The following TTF1 variants were observed in gnomAD, a reference collection of about 807,000 sequenced individuals.
TTF1 encodes the protein transcription termination factor 1, also known as transcription termination factor, RNA polymerase I.
A neutral mutation model predicts 80.2 loss-of-function variants in TTF1; 64 were observed. That is an observed-to-expected ratio of 0.80 (90% CI 0.65 to 0.98). The LOEUF is 0.98. TTF1 is among the 50% of genes least tolerant of loss of function. The probability of loss-of-function intolerance (pLI) is 0.00; values close to 1 mark genes in which losing one functional copy is unlikely to be tolerated. For synonymous variants in TTF1, 372 were observed against 382.7 expected, an observed-to-expected ratio of 0.97 and a Z score of 0.33; for missense variants, 1,023 against 1,086.2, an observed-to-expected ratio of 0.94 and a Z score of 0.82.
At chr9:132,390,472 C>T (rs919083101) in intron 7 of TTF1, 125 bp downstream of exon 7, 14 of 827,232 alleles carry the variant, frequency 1.7e-5, no homozygotes, top group Non-Finnish European at 2.7e-5. Context: ...GCAGCTGGGG[C>T]AGCAGACTAG....
At chr9:132,403,954 C>G (rs537002933) in intron 1 of TTF1, among the ~76,000 whole-genome samples, 13 of 152,336 alleles carry the variant, frequency 8.5e-5, no homozygotes, top group African/African-American at 2.6e-4. Flanking sequence ...TACTCACATA[C>G]AGGGTGTGTG....
In TTF1 at chr9:132,375,704, A is replaced by G; in HGVS notation, c.*211T>C. On this transcript the variant is annotated 3_prime_UTR_variant, in exon 11 of 11. Coordinates refer to ENST00000334270, the MANE Select transcript of TTF1 (RefSeq NM_007344.4). ...TATAAATATAATCAAACTGAGAAAA[A>G]GGGACAAGAAATAGTAATCTCTCTC... 10 of 465,922 alleles carry G rather than the reference A, an allele frequency of 2.1e-5. No individual in the cohort carries two copies. Among genetic ancestry groups the G allele is most frequent in the South Asian group, 8.1e-5 (3 of 37,056 alleles). The allele number at this position is 465,922 out of a possible 1,614,324, so 28.9% of individuals were successfully genotyped here.
chr9:132,403,776 G>T (rs1489393060), intron 1 of TTF1, among the ~76,000 whole-genome samples: 1 of 152,212 alleles, frequency 6.6e-6, no homozygotes, highest in Non-Finnish European at 1.5e-5. Flanking sequence ...CTCCATTCGA[G>T]TGCAGGATCC....
At position 132,402,663 on chromosome 9, in the gene TTF1, T is replaced by C; in HGVS notation, c.159A>G (p.Lys53=). The C allele has an allele frequency of 6.2e-7, 1 of 1,613,534 alleles. No individual in the cohort carries two copies. The highest frequency in any genetic ancestry group is 1.1e-5 in the South Asian group (1 of 90,876). Reference sequence around the variant, plus strand: ...GATGCTGGAAATCTTTTTTCCTCTTTTTCCTCCTAGTTATTTGAGACTGTT... The same window carrying C: ...GATGCTGGAAATCTTTTTTCCTCTTCTTCCTCCTAGTTATTTGAGACTGTT... The part of the protein sequence containing the change: ...VNEQSQITRR[K]KRKKDFQHLI... Residue 53 remains lysine, a synonymous_variant, in exon 2 of 11, where the codon AAA becomes AAG. Transcript: ENST00000334270.
intron 7 of TTF1, among the ~76,000 whole-genome samples, chr9:132,388,959 G>A (rs554924664): frequency 5.2e-4 from 79 of 152,284 alleles, no homozygotes; most frequent in African/African-American, 1.8e-3. Context: ...AGCCATCCAC[G>A]TTTACAGGGT....
chr9:132,396,573 G>T, intron 4 of TTF1, 62 bp from the exon 5 acceptor site: 1 of 1,367,250 alleles, frequency 7.3e-7, no homozygotes, highest in South Asian at 1.2e-5. Flanking sequence ...ATTGTAAAAG[G>T]AACCCAGAAC....
Position 132,400,075 on chromosome 9 carries a change from G to A in TTF1, c.1551C>T (p.Tyr517=), listed in dbSNP as rs778850521. Residue 517 remains tyrosine, a synonymous_variant, in exon 3 of 11, where the codon TAC becomes TAT. Coordinates refer to ENST00000334270, the MANE Select transcript of TTF1 (RefSeq NM_007344.4). The part of the protein sequence containing the change: ...DRATSTIKRM[Y]RDDLERFKEF... Reference sequence around the variant, plus strand: ...CCTTAAACCGTTCCAAGTCGTCCCGGTACATCCGCTTGATTGTGCTGGTGG... The same window carrying A: ...CCTTAAACCGTTCCAAGTCGTCCCGATACATCCGCTTGATTGTGCTGGTGG... 20 of 1,614,062 alleles carry A rather than the reference G, an allele frequency of 1.2e-5. No individual in the cohort carries two copies. The highest frequency in any genetic ancestry group is 2.5e-6 in the Non-Finnish European group (3 of 1,180,048).
At chr9:132,406,603 TAAAAAA>T (rs35899253) in intron 1 of TTF1, among the ~76,000 whole-genome samples, 181 bp downstream of exon 1, 13 of 125,428 alleles carry the variant, frequency 1.0e-4, no homozygotes, top group African/African-American at 3.9e-4. Context: ...ACTCCATCTT[TAAAAAA>T]AAAAAAAAAA....
rs143299954 is a variant in TTF1 at position 132,401,749 on chromosome 9, G to C, written c.1073C>G (p.Pro358Arg). The change falls in exon 2 of 11, where the codon CCT becomes CGT. Residue 358 changes from proline to arginine, a missense_variant. Transcript: ENST00000334270. ...CTCACTGCCCACCTGTGATCCTTCA[G>C]GGTATGCACTCTCGAGGCTCTCAGG... ...AMPESLESAY[P>R]EGSQVGSEVG... 2 of 1,614,124 alleles carry C rather than the reference G, an allele frequency of 1.2e-6. No homozygotes were observed. The highest frequency in any genetic ancestry group is 1.7e-5 in the Admixed American group (1 of 60,012).
At chr9:132,394,808 G>A (rs1849616950) in intron 5 of TTF1, among the ~76,000 whole-genome samples, 1 of 151,768 alleles carries the variant, frequency 6.6e-6, no homozygotes, top group East Asian at 1.9e-4. Context: ...CAGGAGAATC[G>A]CTTGAACCCA....
intron 1 of TTF1, among the ~76,000 whole-genome samples, chr9:132,403,852 G>C (rs1160070213): frequency 3.3e-5 from 5 of 152,166 alleles, no homozygotes; most frequent in Non-Finnish European, 2.9e-5. Context: ...TGGCCTCTTT[G>C]TGAAAGAAGT....
Position 132,402,155 on chromosome 9 carries a change from T to C in TTF1, c.667A>G (p.Lys223Glu), listed in dbSNP as rs373077943. ...TATTCCCGGTTACTGGACTTTTTCTTTTTTTTCTTAGACTTGTTTTTATGA... is the reference window on the plus strand; with the variant it reads ...TATTCCCGGTTACTGGACTTTTTCTCTTTTTTCTTAGACTTGTTTTTATGA... ...SAHKNKSKKK[K>E]KKSSNREYET... The change falls in exon 2 of 11, where the codon AAG becomes GAG. Residue 223 changes from lysine to glutamate, a missense_variant. Lys to Glu is a moderately conservative substitution (Grantham distance 56). Coordinates refer to ENST00000334270, the MANE Select transcript of TTF1 (RefSeq NM_007344.4). 1.9e-5 allele frequency: 30 copies of C among 1,614,056 alleles called. No individual in the cohort carries two copies. The East Asian group carries it at 6.2e-4, about 34-fold the overall frequency.
chr9:132,398,819 G>A (rs946133996), intron 3 of TTF1, among the ~76,000 whole-genome samples: 1 of 152,082 alleles, frequency 6.6e-6, no homozygotes, highest in Non-Finnish European at 1.5e-5. Context: ...TAAACTCCAG[G>A]CCTCAAGCAA....
At chr9:132,394,056 G>A (rs1452537358) in intron 5 of TTF1, among the ~76,000 whole-genome samples, 1 of 151,822 alleles carries the variant, frequency 6.6e-6, no homozygotes, top group East Asian at 1.9e-4. Flanking sequence ...CAAGTAGCTG[G>A]GACTACAGGT....
chr9:132,390,297 G>T (rs959325543), intron 7 of TTF1, among the ~76,000 whole-genome samples: 1 of 152,094 alleles, frequency 6.6e-6, no homozygotes, highest in Non-Finnish European at 1.5e-5. Context: ...TTCTAATGCT[G>T]CCAACAGATT....
intron 3 of TTF1, among the ~76,000 whole-genome samples, chr9:132,398,549 T>G (rs1366062829): frequency 6.6e-6 from 1 of 152,202 alleles, no homozygotes; most frequent in Non-Finnish European, 1.5e-5. Context: ...TATTCCAAAG[T>G]GACCTTTCCT....
rs1047676567 is a variant in TTF1, at chr9:132,384,751, G to C, written c.2378+1805C>G. 1.3e-5 allele frequency among the ~76,000 whole-genome samples: 2 copies of C among 152,104 alleles called. No homozygotes were observed. The highest frequency in any genetic ancestry group is 4.8e-5 in the African/African-American group (2 of 41,400). On this transcript the variant is annotated intron_variant, in intron 9 of 10. Coordinates refer to ENST00000334270, the MANE Select transcript of TTF1 (RefSeq NM_007344.4). This position sits in a 1 kb window ranked among gnomAD's most constrained non-coding sequence, Gnocchi z 4.1. Reference sequence around the variant, plus strand: ...GGCTTACTGCAACCTCCGCCTCCTGGGTTCAAGCGATTCTCCTGCCTCAGC... The same window carrying C: ...GGCTTACTGCAACCTCCGCCTCCTGCGTTCAAGCGATTCTCCTGCCTCAGC...
intron 5 of TTF1, among the ~76,000 whole-genome samples, chr9:132,393,277 CG>C (rs936150640): frequency 8.0e-4 from 122 of 151,908 alleles, no homozygotes; most frequent in Middle Eastern, 3.4e-3. Flanking sequence ...AAGCCCCCCC[CG>C]CAAACTGGCC....
intron 9 of TTF1, among the ~76,000 whole-genome samples, chr9:132,383,223 T>C (rs1589817211): frequency 6.9e-6 from 1 of 144,698 alleles, no homozygotes; most frequent in Middle Eastern, 3.6e-3. Flanking sequence ...AACTCCAGCC[T>C]GGGCAACAGA....
Sources: gnomAD v4.1 joint callset for allele counts (sites outside exome capture counted in the v4.1 genomes callset) on GRCh38, gnomAD v4.1.1 for gene constraint, Gnocchi (gnomAD v3.1) non-coding constraint, MANE v1.5 for transcripts, NCBI Gene and HGNC (gene_info 2026-07-23, HGNC 2026-07-21) for gene names.